DNM3: variants seen among roughly 807,000 people sequenced by gnomAD.
DNM3 encodes the protein dynamin 3.
A neutral mutation model predicts 101.6 loss-of-function variants in DNM3; 47 were observed. The observed-to-expected ratio is 0.46, with a 90% CI of 0.37 to 0.59. The LOEUF is 0.59. Among genes scored for constraint, DNM3 ranks in the 20% least tolerant of loss-of-function variants. The pLI is 0.00. For synonymous variants in DNM3, 385 were observed against 387.9 expected (o/e 0.99, Z 0.09); for missense variants, 849 against 1,085.7 (o/e 0.78, Z 3.06).
chr1:172,128,516 A>G (rs1485834475), intron 13 of DNM3, among the ~76,000 whole-genome samples: 2 of 152,218 alleles, frequency 1.3e-5, no homozygotes, highest in African/African-American at 2.4e-5. Flanking sequence ...ACATTAAAAA[A>G]CAAAAGGAAA....
intron 1 of DNM3, among the ~76,000 whole-genome samples, chr1:171,917,953 G>A (rs768646211): frequency 1.3e-4 from 20 of 152,146 alleles, no homozygotes; most frequent in Non-Finnish European, 2.9e-4. Flanking sequence ...TTGGATGGTG[G>A]TGCTCAGTGG....
chr1:172,038,341 A>T lies in DNM3; in HGVS notation c.872A>T (p.Asp291Val), dbSNP rs1043971124. 2 of 1,613,370 alleles carry T rather than the reference A, an allele frequency of 1.2e-6. No homozygotes were observed. Among genetic ancestry groups the T allele is most frequent in the Non-Finnish European group, 1.7e-6 (2 of 1,179,536 alleles). ...LNQQLTNHIR[D>V]TLPNFRNKLQ... is the part of the protein sequence containing the mutation. ...TAGCAACTTACCAACCACATTCGGGATACCCTACCAAACTTCAGGAACAAA... is the reference window on the plus strand; with the variant it reads ...TAGCAACTTACCAACCACATTCGGGTTACCCTACCAAACTTCAGGAACAAA... Residue 291 changes from aspartate (D) to valine (V), a missense_variant, in exon 7 of 21, where the codon GAT becomes GTT. By Grantham distance (152) the Asp-to-Val change is radical. This residue lies in a region of DNM3 where 388 missense variants were observed against 483.0 expected (regional missense o/e 0.80). Coordinates refer to ENST00000627582, the MANE Select transcript of DNM3 (RefSeq NM_015569.5).
intron 14 of DNM3, among the ~76,000 whole-genome samples, chr1:172,193,540 T>C (rs143881108): frequency 0.57 from 86,474 of 151,870 alleles, 26,629 homozygotes; most frequent in African/African-American, 0.81. Flanking sequence ...ATTTCAGAAC[T>C]TGTTATTGGT....
At chr1:172,131,771 T>A in intron 14 of DNM3, 1 of 383,458 alleles carries the variant, frequency 2.6e-6, no homozygotes, top group East Asian at 8.5e-5. Flanking sequence ...TTCAAGTGAG[T>A]CTCAGATCAT....
At chr1:172,199,236 G>A (rs1193801311) in intron 14 of DNM3, among the ~76,000 whole-genome samples, 1 of 151,906 alleles carries the variant, frequency 6.6e-6, no homozygotes, top group East Asian at 1.9e-4. Flanking sequence ...ATTTTTCATA[G>A]TCAACTTCTA....
intron 14 of DNM3, among the ~76,000 whole-genome samples, chr1:172,171,784 G>C (rs1473584028): frequency 6.6e-6 from 1 of 151,748 alleles, no homozygotes; most frequent in Non-Finnish European, 1.5e-5. Context: ...GTTATCTTCA[G>C]TAGTGCTAAT....
In DNM3 at chr1:172,318,336, A is replaced by G. The variant is rs529151907; in HGVS notation, c.1882-4993A>G. ...CTTTGAAAACTGGCACAAGACAGGG[A>G]TGCCCTCTCTCACCACTCCTATTCA... is the stretch of plus-strand genomic sequence containing the variant. On this transcript the variant is annotated intron_variant, in intron 16 of 20. Transcript: ENST00000627582. Among the ~76,000 whole-genome samples, 5 of 152,178 alleles carry G rather than the reference A, an allele frequency of 3.3e-5. No homozygotes were observed. The East Asian group carries it at 9.7e-4, about 29-fold the overall frequency.
intron 13 of DNM3, among the ~76,000 whole-genome samples, chr1:172,123,981 G>A (rs1370175119): frequency 2.0e-5 from 3 of 152,140 alleles, no homozygotes; most frequent in East Asian, 1.9e-4. Flanking sequence ...AGAAAGTTCT[G>A]AGAGGGGTCA....
intron 15 of DNM3, among the ~76,000 whole-genome samples, chr1:172,279,495 C>A (rs564957853): frequency 6.6e-6 from 1 of 152,092 alleles, no homozygotes; most frequent in Non-Finnish European, 1.5e-5. Flanking sequence ...ATGTTAAGTG[C>A]GCTTGTTCCA....
chr1:171,994,720 T>TC (rs2045877227), intron 4 of DNM3, among the ~76,000 whole-genome samples: 1 of 151,302 alleles, frequency 6.6e-6, no homozygotes, highest in South Asian at 2.1e-4. Context: ...TTTCTTTCTT[T>TC]TTTTTTTTGC....
At chr1:172,388,837 G>A (rs750254447) in intron 20 of DNM3, 28 bp downstream of exon 20, 4 of 1,513,676 alleles carry the variant, frequency 2.6e-6, no homozygotes, top group Admixed American at 2.0e-5. Flanking sequence ...AATTGGGGGG[G>A]TAGTGCGCCT....
At chr1:172,118,786 T>G (rs1364418985) in intron 13 of DNM3, among the ~76,000 whole-genome samples, 1 of 152,110 alleles carries the variant, frequency 6.6e-6, no homozygotes, top group Non-Finnish European at 1.5e-5. Context: ...TTTAATGCTT[T>G]CAAACCAGTC....
chr1:171,863,941 C>A (rs779432891), intron 1 of DNM3, among the ~76,000 whole-genome samples: 45 of 152,164 alleles, frequency 3.0e-4, no homozygotes, highest in Non-Finnish European at 5.6e-4. Context: ...TCTTTGAACA[C>A]AGAAGAATTA....
At chr1:171,867,350 A>C (rs1321922536) in intron 1 of DNM3, among the ~76,000 whole-genome samples, 2 of 152,192 alleles carry the variant, frequency 1.3e-5, no homozygotes, top group Non-Finnish European at 2.9e-5. Flanking sequence ...GCTTTATTTC[A>C]CTAAAAATTT....
At chr1:172,183,743 G>T (rs1453747582) in intron 14 of DNM3, among the ~76,000 whole-genome samples, 1 of 149,074 alleles carries the variant, frequency 6.7e-6, no homozygotes, top group Non-Finnish European at 1.5e-5. Context: ...TAGGACTACA[G>T]GGTTGCACCA....
chr1:172,273,527 G>A (rs1036427751), intron 15 of DNM3, among the ~76,000 whole-genome samples: 27 of 152,002 alleles, frequency 1.8e-4, no homozygotes, highest in Admixed American at 2.6e-4. Flanking sequence ...AAATCACAAT[G>A]TATTGGATGA....
At chr1:172,216,224 G>A (rs6698237) in intron 14 of DNM3, among the ~76,000 whole-genome samples, 28,926 of 151,916 alleles carry the variant, frequency 0.19, 3,820 homozygotes, top group African/African-American at 0.38. Context: ...CTTCTCCATC[G>A]AAGGTATAAT....
intron 1 of DNM3, among the ~76,000 whole-genome samples, chr1:171,871,190 G>A (rs1324025221): frequency 1.3e-5 from 2 of 152,196 alleles, no homozygotes; most frequent in East Asian, 1.9e-4. Context: ...GTGCAATTAT[G>A]TATGTGCTCA....
chr1:171,892,142 G>A (rs1466465912), intron 1 of DNM3, among the ~76,000 whole-genome samples: 5 of 151,458 alleles, frequency 3.3e-5, no homozygotes, highest in African/African-American at 1.2e-4. Flanking sequence ...TTCTATGTCC[G>A]TTTGACATAG....
Sources: gnomAD v4.1 joint callset for allele counts (sites outside exome capture counted in the v4.1 genomes callset) on GRCh38, gnomAD v4.1.1 for gene constraint, gnomAD v4.1.1 regional missense constraint, MANE v1.5 for transcripts, NCBI Gene and HGNC (gene_info 2026-07-23, HGNC 2026-07-21) for gene names.